The following TNS1 variants were observed in gnomAD, a reference collection of about 807,000 sequenced individuals.
TNS1 encodes the protein tensin-1.
Under a neutral mutation model 168.6 loss-of-function variants are expected in TNS1, and 62 were observed. The ratio of observed to expected loss-of-function variants is 0.37; its 90% CI spans 0.30 to 0.45. The LOEUF is 0.45. TNS1 is among the 20% of genes least tolerant of loss of function. The probability of loss-of-function intolerance (pLI) is 1.00; values close to 1 mark genes in which losing one functional copy is unlikely to be tolerated. For missense variants in TNS1, 2,240 were observed against 2,339.4 expected, an observed-to-expected ratio of 0.96 and a Z score of 0.88; for synonymous variants, 934 against 933.2, an observed-to-expected ratio of 1.00 and a Z score of -0.02.
At chr2:217,873,809 C>T (rs1420739933) in intron 18 of TNS1, among the ~76,000 whole-genome samples, 1 of 152,186 alleles carries the variant, frequency 6.6e-6, no homozygotes, top group Non-Finnish European at 1.5e-5. Flanking sequence ...GCATTCAATG[C>T]CTCCAGAATC....
At position 217,801,056 on chromosome 2, in the gene TNS1, A is replaced by T. The variant is rs1447279733; in HGVS notation, c.*3403T>A. ...GTCTCAGAAGACCCAGGGATCCTCA[A>T]AAACCAGGGGAGAAGGAATCCTGGC... On this transcript the variant is annotated 3_prime_UTR_variant, in exon 33 of 33. Coordinates refer to ENST00000682258, the MANE Select transcript of TNS1 (RefSeq NM_001387777.1). The T allele has an allele frequency of 6.6e-6, 1 of 152,190 alleles. No homozygotes were observed. The highest frequency in any genetic ancestry group is 6.5e-5 in the Admixed American group (1 of 15,280). 9.4% of individuals were successfully genotyped at this position (152,190 alleles called of 1,614,324 possible). A position where few individuals can be genotyped will look rare whatever the true frequency, so the allele number is the denominator to read the frequency against.
chr2:217,841,143 G>T, intron 19 of TNS1: 1 of 850,182 alleles, frequency 1.2e-6, no homozygotes, highest in Non-Finnish European at 1.4e-6. Flanking sequence ...AGAAACTGAT[G>T]CTCAAAAGTG....
At chr2:217,979,052 T>G in intron 2 of TNS1, 6 of 411,856 alleles carry the variant, frequency 1.5e-5, no homozygotes, top group Non-Finnish European at 1.7e-5. Context: ...CCAGAGCCCC[T>G]CCGGGTGCGG....
intron 3 of TNS1, among the ~76,000 whole-genome samples, chr2:217,951,558 G>A (rs1458601587): frequency 1.3e-5 from 2 of 152,130 alleles, no homozygotes; most frequent in East Asian, 1.9e-4. Context: ...GCAGCAAGCC[G>A]GCAGGGCCTC....
rs565195119 is a variant in TNS1 at position 217,991,891 on chromosome 2, C to T, written c.34-835G>A. On this transcript the variant is annotated intron_variant, in intron 1 of 32. Coordinates refer to ENST00000682258, the MANE Select transcript of TNS1 (RefSeq NM_001387777.1). ...TGTGACTATCCTTTTCTAAATGACA[C>T]CACCTCATGCATGAGAGGCAGGCTG... Among the ~76,000 whole-genome samples, 15 of 152,244 alleles carry T rather than the reference C, an allele frequency of 9.9e-5. No homozygotes were observed. In the South Asian group the frequency reaches 1.9e-3, roughly 19 times the overall value.
In TNS1 at chr2:217,851,440, TACACAC is replaced by T. The variant is rs3838563; in HGVS notation, c.1430-2359_1430-2354del. ...GCTCCACCAGGCACTTGCATCCCTCTACACACACACACACACACACACACACACACA... is the reference window on the plus strand; with the variant it reads ...GCTCCACCAGGCACTTGCATCCCTCTACACACACACACACACACACACACA... On this transcript the variant is annotated intron_variant, in intron 18 of 32. Coordinates refer to ENST00000682258, the MANE Select transcript of TNS1 (RefSeq NM_001387777.1). Among the ~76,000 whole-genome samples, 685 of 139,830 alleles carry T rather than the reference TACACAC, an allele frequency of 4.9e-3. 7 individuals carry two copies. The highest frequency in any genetic ancestry group is 0.017 in the African/African-American group (654 of 37,978). The allele number at this position is 139,830 out of a possible 152,430, so 91.7% of individuals were successfully genotyped here.
At chr2:217,979,067 G>A (rs1957969410) in intron 2 of TNS1, 1 of 455,472 alleles carries the variant, frequency 2.2e-6, no homozygotes, top group Non-Finnish European at 3.9e-6. Flanking sequence ...GTGCGGGAAG[G>A]TGGGGGGAGC....
Position 217,818,246 on chromosome 2 carries a change from G to A in TNS1, c.4086C>T (p.Gly1362=). Residue 1362 remains glycine, a synonymous_variant, in exon 24 of 33, where the codon GGC becomes GGT. Coordinates refer to ENST00000682258, the MANE Select transcript of TNS1 (RefSeq NM_001387777.1). Reference sequence around the variant, plus strand: ...GGGTGGTGGCCACTTTGTTGTGGAGGCCAGAAACCTGGTAGACCCCTGCTG... The same window carrying A: ...GGGTGGTGGCCACTTTGTTGTGGAGACCAGAAACCTGGTAGACCCCTGCTG... ...RHPAGVYQVS[G]LHNKVATTPG... is the part of the protein sequence containing the mutation. 6.2e-7 allele frequency: 1 copy of A among 1,613,910 alleles called. No homozygotes were observed. The highest frequency in any genetic ancestry group is 1.1e-5 in the South Asian group (1 of 91,048).
chr2:217,804,284 CTCTCTT>C lies in TNS1; in HGVS notation c.*169_*174del. On this transcript the variant is annotated 3_prime_UTR_variant, in exon 33 of 33. Coordinates refer to ENST00000682258, the MANE Select transcript of TNS1 (RefSeq NM_001387777.1). ...TCTCTCTCTCTCTCTCTCTCTCTCT[CTCTCTT>C]TTCCCCCTCCCCTCTGCAATTCACT... 2.9e-6 allele frequency: 2 copies of C among 687,676 alleles called. No homozygotes were observed. The highest frequency in any genetic ancestry group is 2.8e-5 in the East Asian group (1 of 35,922). 42.6% of individuals were successfully genotyped at this position (687,676 alleles called of 1,614,324 possible). A position where few individuals can be genotyped will look rare whatever the true frequency, so the allele number is the denominator to read the frequency against.
chr2:217,859,955 C>A (rs1397220385), intron 18 of TNS1, among the ~76,000 whole-genome samples: 1 of 152,186 alleles, frequency 6.6e-6, no homozygotes, highest in Non-Finnish European at 1.5e-5. Context: ...ACCCAATTCT[C>A]AGAGTGGACA....
rs71403015 is a variant in TNS1, at chr2:217,804,256, T to TTCTCTCTCTCTCTCTC, written c.*187_*202dup. ...GAATCCAAGTTCTTCTCCTCCATCT[T>TTCTCTCTCTCTCTCTC]TCTCTCTCTCTCTCTCTCTCTCTCT... On this transcript the variant is annotated 3_prime_UTR_variant, in exon 33 of 33. Transcript: ENST00000682258. The TTCTCTCTCTCTCTCTC allele has an allele frequency of 5.5e-5, 23 of 416,940 alleles. No individual in the cohort carries two copies. The highest frequency in any genetic ancestry group is 9.1e-5 in the South Asian group (3 of 33,132). The allele number at this position is 416,940 out of a possible 1,614,324, so 25.8% of individuals were successfully genotyped here.
In TNS1 at chr2:217,852,162, C is replaced by T. The variant is rs1367165919; in HGVS notation, c.1430-3075G>A. Among the ~76,000 whole-genome samples, 6 of 152,060 alleles carry T rather than the reference C, an allele frequency of 3.9e-5. No individual in the cohort carries two copies. The East Asian group carries it at 9.6e-4, about 24-fold the overall frequency. ...TCCATCTCAAAAAAAAAGAAGAGAC[C>T]CCAGCCGCCTGTTTCTAGGGGGCAA... On this transcript the variant is annotated intron_variant, in intron 18 of 32. Transcript: ENST00000682258.
intron 1 of TNS1, among the ~76,000 whole-genome samples, chr2:218,001,162 A>G (rs562254199): frequency 1.4e-5 from 2 of 146,848 alleles, no homozygotes; most frequent in African/African-American, 4.9e-5. Context: ...CAATTAAAAA[A>G]AAAATGAATA....
chr2:217,966,146 T>C (rs1342756443), intron 3 of TNS1, among the ~76,000 whole-genome samples: 12 of 152,090 alleles, frequency 7.9e-5, no homozygotes, highest in Admixed American at 7.9e-4. Flanking sequence ...AGCCGCAGCG[T>C]CAGAAACGCT....
chr2:217,917,354 G>A (rs577825651), intron 4 of TNS1, among the ~76,000 whole-genome samples: 22 of 152,250 alleles, frequency 1.4e-4, no homozygotes, highest in African/African-American at 4.8e-4. Context: ...ACACAGCACC[G>A]AACAAAATAG....
chr2:217,831,573 A>G, intron 21 of TNS1, 26 bp from the exon 22 acceptor site: 1 of 1,451,780 alleles, frequency 6.9e-7, no homozygotes, highest in Non-Finnish European at 9.1e-7. Flanking sequence ...GAGGGGAGAC[A>G]CAGGGAGTGA....
At chr2:217,837,842 G>A (rs1169164938) in intron 19 of TNS1, among the ~76,000 whole-genome samples, 1 of 152,234 alleles carries the variant, frequency 6.6e-6, no homozygotes, top group East Asian at 1.9e-4. Context: ...GCATCTACCT[G>A]AAGGAAAGAA....
intron 3 of TNS1, among the ~76,000 whole-genome samples, chr2:217,976,430 C>G (rs1957897549): frequency 1.3e-5 from 2 of 152,216 alleles, no homozygotes; most frequent in Admixed American, 6.5e-5. Context: ...GCTCTGGTTT[C>G]AGAGAAAGAC....
rs1041583492 is a variant in TNS1 at position 217,848,966 on chromosome 2, G to A, written c.1551C>T (p.Thr517=). ...AAAGCGTGTGTTCCACGTGGTTGGG[G>A]GTGGCCGACAGTGTAGGACGTGTGG... The part of the protein sequence containing the change: ...VNATRPTLSA[T]PNHVEHTLSV... Residue 517 remains threonine, a synonymous_variant, in exon 19 of 33, where the codon ACC becomes ACT. Transcript: ENST00000682258. 1.2e-6 allele frequency: 2 copies of A among 1,614,132 alleles called. No individual in the cohort carries two copies.
Sources: gnomAD v4.1 joint callset for allele counts (sites outside exome capture counted in the v4.1 genomes callset) on GRCh38, gnomAD v4.1.1 for gene constraint, MANE v1.5 for transcripts, NCBI Gene and HGNC (gene_info 2026-07-23, HGNC 2026-07-21) for gene names.